ANKS1B: variants seen among roughly 807,000 people sequenced by gnomAD.
ANKS1B encodes the protein ankyrin repeat and sterile alpha motif domain-containing protein 1B.
A neutral mutation model predicts 148.3 loss-of-function variants in ANKS1B; 36 were observed. That is an observed-to-expected ratio of 0.24 (90% CI 0.19 to 0.32). ANKS1B has a LOEUF of 0.32. Among genes scored for constraint, ANKS1B ranks in the 10% least tolerant of loss-of-function variants. The pLI is 1.00. For missense variants in ANKS1B, 1,157 were observed against 1,542.6 expected, an observed-to-expected ratio of 0.75 and a Z score of 4.19; for synonymous variants, 542 against 560.8, an observed-to-expected ratio of 0.97 and a Z score of 0.47.
At chr12:99,482,216 G>T (rs1172084544) in intron 10 of ANKS1B, among the ~76,000 whole-genome samples, 1 of 151,936 alleles carries the variant, frequency 6.6e-6, no homozygotes, top group Non-Finnish European at 1.5e-5. Context: ...TGTGGTGAGA[G>T]ATAGGGAACC....
At chr12:98,920,169 ATC>A (rs145249368) in intron 17 of ANKS1B, among the ~76,000 whole-genome samples, 32 of 152,342 alleles carry the variant, frequency 2.1e-4, no homozygotes, top group African/African-American at 6.5e-4. Flanking sequence ...TGACCACAAT[ATC>A]TGTCTTACTC....
intron 12 of ANKS1B, among the ~76,000 whole-genome samples, chr12:99,320,672 T>G (rs1461811159): frequency 6.6e-6 from 1 of 152,178 alleles, no homozygotes; most frequent in Non-Finnish European, 1.5e-5. Context: ...TTGTTATTAC[T>G]GATCATCTGA....
At chr12:99,322,967 T>A (rs181571985) in intron 12 of ANKS1B, among the ~76,000 whole-genome samples, 83 of 152,326 alleles carry the variant, frequency 5.4e-4, no homozygotes, top group African/African-American at 1.9e-3. Flanking sequence ...CTGCCATGAT[T>A]GTGAGGCCCC....
intron 12 of ANKS1B, among the ~76,000 whole-genome samples, chr12:99,371,255 A>G (rs899933611): frequency 2.0e-5 from 3 of 152,044 alleles, no homozygotes; most frequent in Admixed American, 2.0e-4. Context: ...TCTAGGTAGC[A>G]TGTGTACCAG....
At chr12:99,174,574 A>G (rs1323998049) in intron 14 of ANKS1B, among the ~76,000 whole-genome samples, 1 of 152,194 alleles carries the variant, frequency 6.6e-6, no homozygotes, top group African/African-American at 2.4e-5. Flanking sequence ...CACACAGGGC[A>G]TAAGATTGCA....
At chr12:99,737,814 T>G (rs993817980) in intron 8 of ANKS1B, among the ~76,000 whole-genome samples, 2 of 152,176 alleles carry the variant, frequency 1.3e-5, no homozygotes, top group South Asian at 2.1e-4. Flanking sequence ...CTCTTTTAGT[T>G]CTAGCAATTC....
At chr12:98,790,365 C>A (rs943507374) in intron 22 of ANKS1B, among the ~76,000 whole-genome samples, 1 of 152,186 alleles carries the variant, frequency 6.6e-6, no homozygotes, top group African/African-American at 2.4e-5. Context: ...GTCTTAGTTA[C>A]TTCATCTGTA....
chr12:99,143,275 G>A (rs1049655906), intron 15 of ANKS1B, among the ~76,000 whole-genome samples: 1 of 152,012 alleles, frequency 6.6e-6, no homozygotes, highest in African/African-American at 2.4e-5. Flanking sequence ...GATATTCAGA[G>A]GCCTATATTA....
intron 12 of ANKS1B, among the ~76,000 whole-genome samples, chr12:99,364,448 A>G (rs1257809342): frequency 6.6e-6 from 1 of 152,166 alleles, no homozygotes; most frequent in Non-Finnish European, 1.5e-5. Context: ...AAATGTAGCA[A>G]TGCTATTATT....
intron 12 of ANKS1B, among the ~76,000 whole-genome samples, chr12:99,269,218 T>C (rs2076769381): frequency 6.6e-6 from 1 of 152,256 alleles, no homozygotes; most frequent in South Asian, 2.1e-4. Flanking sequence ...GTTTTGACTA[T>C]GCAGTTTTCG....
At chr12:98,777,537 C>T (rs2098691901) in intron 24 of ANKS1B, among the ~76,000 whole-genome samples, 1 of 152,208 alleles carries the variant, frequency 6.6e-6, no homozygotes, top group African/African-American at 2.4e-5. Flanking sequence ...CGTTACTAAA[C>T]AGTTGCAGTC....
chr12:99,835,840 G>A (rs1254914186), intron 1 of ANKS1B, among the ~76,000 whole-genome samples: 1 of 152,156 alleles, frequency 6.6e-6, no homozygotes, highest in Non-Finnish European at 1.5e-5. Context: ...TTAATACCTA[G>A]AAGATGGGTT....
chr12:98,843,643 A>G (rs2099423915), intron 17 of ANKS1B, among the ~76,000 whole-genome samples: 1 of 152,246 alleles, frequency 6.6e-6, no homozygotes, highest in Non-Finnish European at 1.5e-5. Context: ...ATAGACTGGC[A>G]GTGTGACTAC....
chr12:99,970,623 G>C (rs957413497), intron 1 of ANKS1B, among the ~76,000 whole-genome samples: 3 of 151,588 alleles, frequency 2.0e-5, no homozygotes, highest in African/African-American at 4.8e-5. Context: ...TCCAGACTTA[G>C]CTCTTGTCCA....
intron 1 of ANKS1B, among the ~76,000 whole-genome samples, chr12:99,844,384 A>G (rs2086277622): frequency 6.6e-6 from 1 of 152,142 alleles, no homozygotes; most frequent in Non-Finnish European, 1.5e-5. Context: ...CTCTACATTT[A>G]AGTCTTTAAT....
At position 99,087,679 on chromosome 12, in the gene ANKS1B, T is replaced by C. The variant is rs189820645; in HGVS notation, c.2527-2656A>G. 4.6e-5 allele frequency among the ~76,000 whole-genome samples: 7 copies of C among 152,326 alleles called. 1 individual carries two copies. The highest frequency in any genetic ancestry group is 3.9e-4 in the Admixed American group (6 of 15,302). On this transcript the variant is annotated intron_variant, in intron 15 of 26. Coordinates refer to ENST00000683438, the MANE Select transcript of ANKS1B (RefSeq NM_001352186.2). ...GCCCTTAAGAAAAAATCTTTCGTCATCTTTGTGCTAGAACATTACCAGGTT... is the reference window on the plus strand; with the variant it reads ...GCCCTTAAGAAAAAATCTTTCGTCACCTTTGTGCTAGAACATTACCAGGTT...
At chr12:99,410,604 G>A (rs893986887) in intron 11 of ANKS1B, among the ~76,000 whole-genome samples, 16 of 152,312 alleles carry the variant, frequency 1.1e-4, no homozygotes, top group Non-Finnish European at 1.6e-4. Context: ...GGGAGGGGGA[G>A]CTTGCAGGGA....
At chr12:99,857,343 AC>A (rs1389159379) in intron 1 of ANKS1B, among the ~76,000 whole-genome samples, 3 of 152,184 alleles carry the variant, frequency 2.0e-5, no homozygotes, top group Non-Finnish European at 2.9e-5. Context: ...GAGGTGAAAG[AC>A]TTCTACAAGG....
At chr12:99,710,924 T>C (rs1037010991) in intron 8 of ANKS1B, among the ~76,000 whole-genome samples, 2 of 152,116 alleles carry the variant, frequency 1.3e-5, no homozygotes, top group African/African-American at 4.8e-5. Flanking sequence ...TTCAGTTTGC[T>C]TTGTGTTAAT....
Sources: allele counts gnomAD v4.1 joint callset (sites outside exome capture counted in the v4.1 genomes callset), GRCh38; gene constraint gnomAD v4.1.1; transcripts MANE v1.5; gene names NCBI Gene and HGNC (gene_info 2026-07-23, HGNC 2026-07-21).